The following C10orf105 variants were observed in gnomAD, a reference collection of about 807,000 sequenced individuals.
C10orf105 encodes chromosome 10 open reading frame 105.
In C10orf105, 2 loss-of-function variants were observed where a neutral mutation model predicts 0.6. The ratio of observed to expected loss-of-function variants is 3.18; its 90% CI spans 1.30 to 10.01. The LOEUF is 10.01. C10orf105 is among the 30% of genes most tolerant of loss of function. The pLI is 0.04. For missense variants in C10orf105, 209 were observed against 191.4 expected (o/e 1.09, Z -0.54); for synonymous variants, 95 against 82.4 (o/e 1.15, Z -0.83).
intron 1 of C10orf105, among the ~76,000 whole-genome samples, chr10:71,726,000 C>G (rs1031248209): frequency 7.3e-5 from 11 of 151,474 alleles, no homozygotes; most frequent in African/African-American, 2.7e-4. Flanking sequence ...TTCCAGTCAC[C>G]TCTCCCAGCT....
rs375367387 is a variant in C10orf105, at chr10:71,725,408, A to G, written c.-5-9066T>C. On this transcript the variant is annotated intron_variant, in intron 1 of 1. Coordinates refer to the C10orf105 transcript ENST00000398786. The stretch of plus-strand genomic sequence containing the variant: ...AACAACTTCCGGATCCATGTCAGCA[A>G]TGGGCTCCTGATGCGAGGGCCCCGG... 6.8e-6 allele frequency: 11 copies of G among 1,613,920 alleles called. No homozygotes were observed. Among genetic ancestry groups the G allele is most frequent in the Non-Finnish European group, 9.3e-6 (11 of 1,179,900 alleles).
At chr10:71,724,148 AG>A, upstream of C10orf105, 1 of 1,543,480 alleles carries the variant, frequency 6.5e-7, no homozygotes, top group Non-Finnish European at 8.8e-7. Flanking sequence ...CCTCCTGCCC[AG>A]GGGAGGGCAG....
Position 71,731,286 on chromosome 10 carries a change from A to T in C10orf105, c.-6+6442T>A, listed in dbSNP as rs543035398. On this transcript the variant is annotated intron_variant, in intron 1 of 1. Coordinates refer to the C10orf105 transcript ENST00000398786. ...AGGCTCCCTGAGCTGCTCATCCTTC[A>T]TGTCAGCTACTCTGGTGGCTCCCAA... Among the ~76,000 whole-genome samples, 28 of 152,252 alleles carry T rather than the reference A, an allele frequency of 1.8e-4. 1 individual carries two copies. The South Asian group carries it at 5.8e-3, about 32-fold the overall frequency.
rs2132825564 is a variant in C10orf105, at chr10:71,732,237, C to T, written c.-6+5491G>A. 6.2e-7 allele frequency: 1 copy of T among 1,613,744 alleles called. No individual in the cohort carries two copies. The highest frequency in any genetic ancestry group is 1.1e-5 in the South Asian group (1 of 91,042). ...CCAATGCCTCATACGAGGCTGCCAT[C>T]CTGGAGAATCTGGCACTGGGTACTG... On this transcript the variant is annotated intron_variant, in intron 1 of 1. Transcript: ENST00000398786.
At chr10:71,725,275 G>A in intron 1 of C10orf105, 1 of 1,566,288 alleles carries the variant, frequency 6.4e-7, no homozygotes. Flanking sequence ...TCACAAGGAG[G>A]GGACTGGTGA....
chr10:71,725,684 G>A lies in C10orf105; in HGVS notation c.-5-9342C>T, dbSNP rs1263314456. Among the ~76,000 whole-genome samples the A allele has an allele frequency of 2.0e-5, 3 of 152,202 alleles. No individual in the cohort carries two copies. In the South Asian group the frequency reaches 6.2e-4, roughly 32 times the overall value. On this transcript the variant is annotated intron_variant, in intron 1 of 1. Coordinates refer to the C10orf105 transcript ENST00000398786. ...GGTTCGGTGACAGGTGCCCAGCCTG[G>A]GACTTGGACTTGTCATTTTGCTGTG... is the stretch of plus-strand genomic sequence containing the variant.
chr10:71,716,578 C>T (rs369583826), intron 1 of C10orf105: 30 of 428,688 alleles, frequency 7.0e-5, no homozygotes, highest in African/African-American at 5.1e-4. Context: ...CCTGTTCCAC[C>T]CTGTGCCCAT....
At chr10:71,734,406 C>A in intron 1 of C10orf105, 1 of 1,518,042 alleles carries the variant, frequency 6.6e-7, no homozygotes, top group Non-Finnish European at 9.0e-7. Context: ...ACTTCCTAAC[C>A]CATGTCCTCG....
rs760170584 is a variant in C10orf105 at position 71,725,432 on chromosome 10, G to A, written c.-5-9090C>T. ...AATGGGCTCCTGATGCGAGGGCCCCGGCCCCTGGACCGGGAGCGGAACTCA... is the reference window on the plus strand; with the variant it reads ...AATGGGCTCCTGATGCGAGGGCCCCAGCCCCTGGACCGGGAGCGGAACTCA... On this transcript the variant is annotated intron_variant, in intron 1 of 1. Transcript: ENST00000398786. 3.3e-5 allele frequency: 54 copies of A among 1,613,896 alleles called. No homozygotes were observed. Among genetic ancestry groups the A allele is most frequent in the East Asian group, 2.5e-4 (11 of 44,894 alleles).
chr10:71,715,856 G>T lies in C10orf105; in HGVS notation c.*80C>A. ...CTGCTTGGGCCACTGTCTTCCTGCAGCCTGCAGCACCGGTCTCTGAAGCAG... is the reference window on the plus strand; with the variant it reads ...CTGCTTGGGCCACTGTCTTCCTGCATCCTGCAGCACCGGTCTCTGAAGCAG... On this transcript the variant is annotated 3_prime_UTR_variant, in exon 2 of 2. Transcript: ENST00000441508. The T allele has an allele frequency of 1.5e-6, 2 of 1,346,562 alleles. No homozygotes were observed. The highest frequency in any genetic ancestry group is 1.5e-5 in the African/African-American group (1 of 66,196). 83.4% of individuals were successfully genotyped at this position (1,346,562 alleles called of 1,614,324 possible).
rs1865988532 is a variant in C10orf105, at chr10:71,711,985, C to G, written c.*3951G>C. ...TTAAAACAGCAGAAGTGTATTCTCT[C>G]CTGGTTCTCAAGGCCAGAAGTTAGA... On this transcript the variant is annotated 3_prime_UTR_variant, in exon 2 of 2. Coordinates refer to ENST00000441508, the MANE Select transcript of C10orf105 (RefSeq NM_001164375.3). 1 of 152,248 alleles carries G rather than the reference C, an allele frequency of 6.6e-6. No homozygotes were observed. The highest frequency in any genetic ancestry group is 1.5e-5 in the Non-Finnish European group (1 of 68,072). 9.4% of individuals were successfully genotyped at this position (152,248 alleles called of 1,614,324 possible). A position where few individuals can be genotyped will look rare whatever the true frequency, so the allele number is the denominator to read the frequency against.
At chr10:71,732,711 G>A in intron 1 of C10orf105, 2 of 1,257,916 alleles carry the variant, frequency 1.6e-6, no homozygotes, top group Non-Finnish European at 2.0e-6. Flanking sequence ...GTAAGATAAA[G>A]TTTATACCTA....
upstream of C10orf105, among the ~76,000 whole-genome samples, chr10:71,723,272 G>A (rs1487994803): frequency 6.6e-6 from 1 of 152,128 alleles, no homozygotes; most frequent in Non-Finnish European, 1.5e-5. Flanking sequence ...GTGGGCAGTG[G>A]GTAAAGTAGG....
chr10:71,732,934 C>G (rs909175475), intron 1 of C10orf105, among the ~76,000 whole-genome samples: 14 of 152,222 alleles, frequency 9.2e-5, no homozygotes, highest in Admixed American at 8.5e-4. Context: ...ACAGCTCAGT[C>G]CCTCCCACAC....
Position 71,712,553 on chromosome 10 carries a change from TG to T in C10orf105, c.*3382del. The T allele has an allele frequency of 1.6e-6, 2 of 1,239,556 alleles. No individual in the cohort carries two copies. Among genetic ancestry groups the T allele is most frequent in the Non-Finnish European group, 2.3e-6 (2 of 875,540 alleles). 76.8% of individuals were successfully genotyped at this position (1,239,556 alleles called of 1,614,324 possible). A position where few individuals can be genotyped will look rare whatever the true frequency, so the allele number is the denominator to read the frequency against. ...CACCCCTTGCAAAGGCTAGGGCAGA[TG>T]GGGCGGAACAGGGCACCTCTCTGGC... is the stretch of plus-strand genomic sequence containing the variant. On this transcript the variant is annotated 3_prime_UTR_variant, in exon 2 of 2. Coordinates refer to ENST00000441508, the MANE Select transcript of C10orf105 (RefSeq NM_001164375.3).
intron 1 of C10orf105, chr10:71,725,569 C>G (rs752078066): frequency 6.3e-7 from 1 of 1,583,696 alleles, no homozygotes; most frequent in Non-Finnish European, 8.6e-7. Flanking sequence ...GGGGCCAAGC[C>G]CACAGCTAGA....
In C10orf105 at chr10:71,734,253, T is replaced by C. The variant is rs765684811; in HGVS notation, c.-6+3475A>G. 6 of 1,610,722 alleles carry C rather than the reference T, an allele frequency of 3.7e-6. No individual in the cohort carries two copies. The South Asian group carries it at 5.5e-5, about 15-fold the overall frequency. ...CCTTCCCTGCAGGGTGTGATCACAG[T>C]CCAGGGCCTGGTGGACCGTGAGAAG... On this transcript the variant is annotated intron_variant, in intron 1 of 1. Transcript: ENST00000398786.
chr10:71,726,964 C>T (rs1866841168), intron 1 of C10orf105, among the ~76,000 whole-genome samples: 2 of 152,216 alleles, frequency 1.3e-5, no homozygotes, highest in Admixed American at 1.3e-4. Context: ...CAGTGTAAAA[C>T]AGATCGAAGC....
chr10:71,712,236 A>T lies in C10orf105; in HGVS notation c.*3700T>A, dbSNP rs1865999460. 1 of 164,762 alleles carries T rather than the reference A, an allele frequency of 6.1e-6. No homozygotes were observed. Among genetic ancestry groups the T allele is most frequent in the Admixed American group, 5.7e-5 (1 of 17,392 alleles). The allele number at this position is 164,762 out of a possible 1,614,324, so 10.2% of individuals were successfully genotyped here. ...GGTTTATGGGCCACCCAGCTCACCCAGGATGATCACTTCTCAAGATCCTTA... is the reference window on the plus strand; with the variant it reads ...GGTTTATGGGCCACCCAGCTCACCCTGGATGATCACTTCTCAAGATCCTTA... On this transcript the variant is annotated 3_prime_UTR_variant, in exon 2 of 2. Coordinates refer to ENST00000441508, the MANE Select transcript of C10orf105 (RefSeq NM_001164375.3).
Sources: gnomAD v4.1 joint callset for allele counts (sites outside exome capture counted in the v4.1 genomes callset) on GRCh38, gnomAD v4.1.1 for gene constraint, MANE v1.5 for transcripts, NCBI Gene and HGNC (gene_info 2026-07-23, HGNC 2026-07-21) for gene names.